Variants in CELSR1 observed in about 807,000 individuals in gnomAD.
CELSR1 encodes the protein cadherin EGF LAG seven-pass G-type receptor 1.
In CELSR1, 110 loss-of-function variants were observed where a neutral mutation model predicts 249.1. The observed-to-expected ratio is 0.44, with a 90% CI of 0.38 to 0.52. The LOEUF is 0.52. CELSR1 is among the 20% of genes least tolerant of loss of function. CELSR1 has a pLI of 0.00. For missense variants in CELSR1, 4,109 were observed against 4,296.4 expected (o/e 0.96, Z 1.22); for synonymous variants, 2,113 against 1,900.0 (o/e 1.11, Z -2.92).
At chr22:46,371,752 C>T (rs1359227170) in intron 25 of CELSR1, among the ~76,000 whole-genome samples, 2 of 151,136 alleles carry the variant, frequency 1.3e-5, no homozygotes, top group East Asian at 2.0e-4. Flanking sequence ...CCTCTCCATC[C>T]GTCCATCCAC....
chr22:46,383,475 G>GT (rs561918463), intron 20 of CELSR1, among the ~76,000 whole-genome samples: 2 of 152,028 alleles, frequency 1.3e-5, no homozygotes, highest in Non-Finnish European at 1.5e-5. Flanking sequence ...TTTTGTTGTT[G>GT]TTTTTTTGCG....
Position 46,365,358 on chromosome 22 carries a change from G to A in CELSR1, c.8427C>T (p.Ser2809=), listed in dbSNP as rs761354421. The A allele has an allele frequency of 3.7e-6, 6 of 1,612,724 alleles. No individual in the cohort carries two copies. Among genetic ancestry groups the A allele is most frequent in the East Asian group, 4.5e-5 (2 of 44,892 alleles). The change falls in exon 32 of 35, where the codon AGC becomes AGT. Residue 2809 remains serine, a synonymous_variant. Transcript: ENST00000674500. ...TGCTCTGCTCATCCAGGGACAGCTC[G>A]CTATCTGAGTCGGAATCGTGGCCTG... ...DPPGHDSDSD[S]ELSLDEQSSS...
At chr22:46,384,345 G>C (rs1041007934) in intron 20 of CELSR1, among the ~76,000 whole-genome samples, 198 bp downstream of exon 20, 1 of 152,210 alleles carries the variant, frequency 6.6e-6, no homozygotes, top group Non-Finnish European at 1.5e-5. Context: ...CAGATTTCAG[G>C]ATTAGGATGT....
intron 1 of CELSR1, among the ~76,000 whole-genome samples, chr22:46,528,524 C>T (rs912628794): frequency 1.3e-5 from 2 of 152,216 alleles, no homozygotes; most frequent in African/African-American, 4.8e-5. Context: ...GCCTACAGCC[C>T]TGCACCCACG....
At position 46,366,460 on chromosome 22, in the gene CELSR1, G is replaced by A; in HGVS notation, c.8226C>T (p.Thr2742=). The A allele has an allele frequency of 6.4e-7, 1 of 1,550,416 alleles. No homozygotes were observed. Among genetic ancestry groups the A allele is most frequent in the South Asian group, 1.2e-5 (1 of 84,064 alleles). The part of the protein sequence containing the change: ...TLLTRSLNCN[T]TFGDGPDMLR... ...GCATGTCAGGCCCGTCACCGAAGGT[G>A]GTGTTGCAGTTGAGGGAGCGCTGAA... The change falls in exon 30 of 35, where the codon ACC becomes ACT. Residue 2742 remains threonine (T), a synonymous_variant. Coordinates refer to ENST00000674500, the MANE Select transcript of CELSR1 (RefSeq NM_001378328.1).
At chr22:46,516,536 C>T (rs1316270422) in intron 1 of CELSR1, among the ~76,000 whole-genome samples, 3 of 152,080 alleles carry the variant, frequency 2.0e-5, no homozygotes, top group South Asian at 2.1e-4. Flanking sequence ...CACAGGGTCT[C>T]GCCATGTTGC....
chr22:46,436,349 A>G lies in CELSR1; in HGVS notation c.4407-60T>C. On this transcript the variant is annotated intron_variant, in intron 3 of 34. Coordinates refer to ENST00000674500, the MANE Select transcript of CELSR1 (RefSeq NM_001378328.1). The surrounding 1 kb of genome is among the most constrained non-coding windows in gnomAD (Gnocchi z 5.9). ...AGACCCCAGGGTCCAAAGGCTGCCT[A>G]GGAATGACAAGTCCAGCCGGAGGAG... The G allele has an allele frequency of 2.3e-6, 3 of 1,305,402 alleles. No individual in the cohort carries two copies. The highest frequency in any genetic ancestry group is 2.4e-5 in the South Asian group (2 of 82,804). 80.9% of individuals were successfully genotyped at this position (1,305,402 alleles called of 1,614,324 possible).
chr22:46,482,594 A>G (rs908480127), intron 1 of CELSR1, among the ~76,000 whole-genome samples: 8 of 152,164 alleles, frequency 5.3e-5, no homozygotes, highest in African/African-American at 1.9e-4. Flanking sequence ...ATATGCCTGT[A>G]AACTCAGCTA....
At chr22:46,422,793 C>T (rs928088300) in intron 5 of CELSR1, among the ~76,000 whole-genome samples, 3 of 149,532 alleles carry the variant, frequency 2.0e-5, no homozygotes, top group African/African-American at 7.5e-5. Flanking sequence ...GCTCATAGTC[C>T]CATGACCCAG....
intron 9 of CELSR1, among the ~76,000 whole-genome samples, chr22:46,405,668 C>T (rs1304667400): frequency 6.6e-6 from 1 of 152,102 alleles, no homozygotes; most frequent in East Asian, 1.9e-4. Flanking sequence ...AAGGTTATCC[C>T]ACCTGACAAG....
Position 46,436,088 on chromosome 22 carries a change from A to G in CELSR1, c.4522+86T>C. The G allele has an allele frequency of 1.0e-6, 1 of 967,666 alleles. No individual in the cohort carries two copies. Among genetic ancestry groups the G allele is most frequent in the Admixed American group, 1.9e-5 (1 of 51,418 alleles). 59.9% of individuals were successfully genotyped at this position (967,666 alleles called of 1,614,324 possible). On this transcript the variant is annotated intron_variant, in intron 4 of 34. Transcript: ENST00000674500. This position sits in a 1 kb window ranked among gnomAD's most constrained non-coding sequence, Gnocchi z 5.9. ...AGGGATGAAAGGGTAAGCAGCTTGGAGGCGCTGCACAGGGCGAGGGTCGTT... is the reference window on the plus strand; with the variant it reads ...AGGGATGAAAGGGTAAGCAGCTTGGGGGCGCTGCACAGGGCGAGGGTCGTT...
intron 24 of CELSR1, among the ~76,000 whole-genome samples, chr22:46,373,643 G>A (rs1413039632): frequency 7.0e-6 from 1 of 143,266 alleles, no homozygotes; most frequent in African/African-American, 2.6e-5. Context: ...CCAGCCAAAT[G>A]GGAGAATGGG....
At chr22:46,510,611 A>C (rs1249176963) in intron 1 of CELSR1, among the ~76,000 whole-genome samples, 2 of 152,212 alleles carry the variant, frequency 1.3e-5, no homozygotes, top group Non-Finnish European at 2.9e-5. Flanking sequence ...GCCCCAGAAA[A>C]GTCAGAGCGC....
At position 46,536,064 on chromosome 22, in the gene CELSR1, G is replaced by A. The variant is rs748159288; in HGVS notation, c.1107C>T (p.Gly369=). 5.6e-6 allele frequency: 9 copies of A among 1,610,936 alleles called. 1 individual carries two copies. In the Admixed American group the frequency reaches 1.5e-4, roughly 27 times the overall value. ...RERVRENLEV[G]YEVLTIRASD... Reference sequence around the variant, plus strand: ...TGGCGCGGATGGTCAGCACCTCGTAGCCCACCTCCAGGTTCTCCCGCACGC... The same window carrying A: ...TGGCGCGGATGGTCAGCACCTCGTAACCCACCTCCAGGTTCTCCCGCACGC... The change falls in exon 1 of 35, where the codon GGC becomes GGT. Residue 369 remains glycine, a synonymous_variant. Coordinates refer to ENST00000674500, the MANE Select transcript of CELSR1 (RefSeq NM_001378328.1).
chr22:46,408,605 G>A lies in CELSR1; in HGVS notation c.5226+391C>T, dbSNP rs1272458577. Among the ~76,000 whole-genome samples, 6 of 152,236 alleles carry A rather than the reference G, an allele frequency of 3.9e-5. No homozygotes were observed. The highest frequency in any genetic ancestry group is 5.9e-5 in the Non-Finnish European group (4 of 68,048). ...CGGCCTCCGCCACCCAAAGTGTTGG[G>A]ATTACAGGCATGAGCCACCACCCCG... On this transcript the variant is annotated intron_variant, in intron 9 of 34. Transcript: ENST00000674500. The surrounding 1 kb of genome is among the most constrained non-coding windows in gnomAD (Gnocchi z 4.6).
Position 46,527,906 on chromosome 22 carries a change from G to A in CELSR1, c.3544+5721C>T, listed in dbSNP as rs917517362. Among the ~76,000 whole-genome samples the A allele has an allele frequency of 6.6e-6, 1 of 152,116 alleles. No individual in the cohort carries two copies. Among genetic ancestry groups the A allele is most frequent in the South Asian group, 2.1e-4 (1 of 4,830 alleles). On this transcript the variant is annotated intron_variant, in intron 1 of 34. Coordinates refer to ENST00000674500, the MANE Select transcript of CELSR1 (RefSeq NM_001378328.1). This position sits in a 1 kb window ranked among gnomAD's most constrained non-coding sequence, Gnocchi z 5.5. ...AGGTCAGGAGTTGGAGACCAGCCTGGCCAGCATGGTGAAACCCCATCTCTA... is the reference window on the plus strand; with the variant it reads ...AGGTCAGGAGTTGGAGACCAGCCTGACCAGCATGGTGAAACCCCATCTCTA...
intron 4 of CELSR1, among the ~76,000 whole-genome samples, chr22:46,435,951 G>A (rs549636441): frequency 3.9e-5 from 6 of 152,078 alleles, no homozygotes; most frequent in Non-Finnish European, 8.8e-5. Context: ...CACCCACCTC[G>A]GCCTCCCAAA....
intron 1 of CELSR1, among the ~76,000 whole-genome samples, chr22:46,495,001 C>T (rs1381853983): frequency 6.6e-6 from 1 of 152,194 alleles, no homozygotes; most frequent in Admixed American, 6.5e-5. Context: ...CTGAGAAATG[C>T]GTTGTTAGAT....
chr22:46,509,763 G>A (rs1377947801), intron 1 of CELSR1, among the ~76,000 whole-genome samples: 2 of 152,108 alleles, frequency 1.3e-5, no homozygotes, highest in Admixed American at 1.3e-4. Flanking sequence ...TGGGAGGAGG[G>A]GTTTCACGAG....
Sources: allele counts gnomAD v4.1 joint callset (sites outside exome capture counted in the v4.1 genomes callset), GRCh38; gene constraint gnomAD v4.1.1; non-coding constraint Gnocchi (gnomAD v3.1); transcripts MANE v1.5; gene names NCBI Gene and HGNC (gene_info 2026-07-23, HGNC 2026-07-21).